SCHIP1: variants seen among roughly 807,000 people sequenced by gnomAD.
The protein encoded by SCHIP1 is schwannomin interacting protein 1, also known as schwannomin-interacting protein 1.
Under a neutral mutation model 29.7 loss-of-function variants are expected in SCHIP1, and 8 were observed. That is an observed-to-expected ratio of 0.27 (90% CI 0.16 to 0.49). The LOEUF (loss-of-function observed/expected upper bound fraction) is 0.49, where lower values mean the gene tolerates loss of function less well. Among genes scored for constraint, SCHIP1 ranks in the 20% least tolerant of loss-of-function variants. The pLI is 0.99. For synonymous variants in SCHIP1, 76 were observed against 94.9 expected (o/e 0.80, Z 1.16); for missense variants, 193 against 294.6 (o/e 0.66, Z 2.52).
At chr3:159,535,526 T>C in the SCHIP1 span, among the ~76,000 whole-genome samples, 2 of 152,170 alleles carry the variant, frequency 1.3e-5, no homozygotes, top group Non-Finnish European at 1.5e-5. Context: ...TTACCTTCTG[T>C]CTTGTACCTT....
intron 1 of SCHIP1, among the ~76,000 whole-genome samples, chr3:159,865,566 A>G (rs1714533498): frequency 2.0e-5 from 3 of 152,206 alleles, no homozygotes; most frequent in African/African-American, 7.2e-5. Flanking sequence ...ACCTGGTGAG[A>G]TGAGGCTAGC....
the SCHIP1 span, among the ~76,000 whole-genome samples, chr3:159,343,701 G>A: frequency 0.018 from 2,691 of 152,276 alleles, 84 homozygotes; most frequent in African/African-American, 0.062. Context: ...AGAGAAAGAA[G>A]GGAGAATGAA....
At chr3:159,589,994 A>G in the SCHIP1 span, among the ~76,000 whole-genome samples, 32 of 152,192 alleles carry the variant, frequency 2.1e-4, no homozygotes, top group Non-Finnish European at 3.8e-4. Context: ...TTTCACATAA[A>G]TAATTTTTTA....
intron 1 of SCHIP1, among the ~76,000 whole-genome samples, chr3:159,841,217 AGACTCAAG>A (rs750965850): frequency 2.2e-4 from 34 of 152,238 alleles, no homozygotes; most frequent in Non-Finnish European, 4.6e-4. Context: ...ACATTTCACA[AGACTCAAG>A]GCAGTGGTTT....
the SCHIP1 span, among the ~76,000 whole-genome samples, chr3:159,375,973 T>A: frequency 6.6e-6 from 1 of 152,166 alleles, no homozygotes; most frequent in Non-Finnish European, 1.5e-5. Context: ...CAAAACAGCC[T>A]AATGTGAATT....
At chr3:159,543,882 G>T in the SCHIP1 span, among the ~76,000 whole-genome samples, 4 of 152,088 alleles carry the variant, frequency 2.6e-5, no homozygotes. Context: ...AGCACCTGTT[G>T]TTTCCTGACT....
chr3:159,660,074 T>C, the SCHIP1 span, among the ~76,000 whole-genome samples: 3 of 152,304 alleles, frequency 2.0e-5, no homozygotes, highest in Admixed American at 1.3e-4. Flanking sequence ...GAGTTAAGAC[T>C]GAATGTTTGA....
the SCHIP1 span, among the ~76,000 whole-genome samples, chr3:159,580,263 C>CA: frequency 6.6e-6 from 1 of 152,164 alleles, no homozygotes; most frequent in South Asian, 2.1e-4. Flanking sequence ...GAGGAATCTG[C>CA]AGGGAGCAGC....
At chr3:159,472,836 C>T in the SCHIP1 span, among the ~76,000 whole-genome samples, 19 of 152,062 alleles carry the variant, frequency 1.2e-4, no homozygotes, top group African/African-American at 3.9e-4. Flanking sequence ...GTGAGGGAAC[C>T]GGAAGGGCTT....
At chr3:159,541,441 TTTC>T in the SCHIP1 span, among the ~76,000 whole-genome samples, 1 of 152,084 alleles carries the variant, frequency 6.6e-6, no homozygotes, top group East Asian at 1.9e-4. Flanking sequence ...CTCTTCCTTT[TTTC>T]TTCTGATTAA....
the SCHIP1 span, chr3:159,398,779 A>C: frequency 6.5e-6 from 1 of 154,764 alleles, no homozygotes; most frequent in African/African-American, 2.4e-5. Flanking sequence ...TTGGGTGGGT[A>C]GATGTCCCAT....
chr3:159,645,525 G>T, the SCHIP1 span, among the ~76,000 whole-genome samples: 3 of 152,120 alleles, frequency 2.0e-5, no homozygotes, highest in Admixed American at 6.6e-5. Context: ...CCTTCAGAAT[G>T]ACCATTGTAG....
chr3:159,864,680 G>GAACTAGTTCTCAAACCTGTTGA lies in SCHIP1; in HGVS notation c.31-1480_31-1459dup, dbSNP rs1351044487. 2.6e-5 allele frequency among the ~76,000 whole-genome samples: 4 copies of GAACTAGTTCTCAAACCTGTTGA among 152,232 alleles called. No homozygotes were observed. In the East Asian group the frequency reaches 7.7e-4, roughly 29 times the overall value. ...AGGAGAGTAGAGATGAGGTTTCTTT[G>GAACTAGTTCTCAAACCTGTTGA]AACTAGTTCTCAAACCTGTTGAAAT... On this transcript the variant is annotated intron_variant, in intron 1 of 6. Coordinates refer to ENST00000445224, the Ensembl canonical transcript of SCHIP1.
At chr3:159,795,709 A>T in the SCHIP1 span, among the ~76,000 whole-genome samples, 526 of 152,306 alleles carry the variant, frequency 3.5e-3, 2 homozygotes, top group African/African-American at 0.012. Context: ...TGGGTCCTGA[A>T]AAATAATTAG....
chr3:159,348,417 T>C, the SCHIP1 span, among the ~76,000 whole-genome samples: 1 of 152,066 alleles, frequency 6.6e-6, no homozygotes, highest in Non-Finnish European at 1.5e-5. Context: ...ACACAAAGAG[T>C]ATAAAGACAT....
chr3:159,335,347 CT>C, the SCHIP1 span, among the ~76,000 whole-genome samples: 337 of 151,976 alleles, frequency 2.2e-3, 2 homozygotes, highest in African/African-American at 7.7e-3. Flanking sequence ...GATGCCCTGT[CT>C]TTTTTTTATA....
At chr3:159,765,415 G>A in the SCHIP1 span, 1 of 412,814 alleles carries the variant, frequency 2.4e-6, no homozygotes. Context: ...CATTTTAATG[G>A]AATTACTTAT....
chr3:159,625,703 A>G, the SCHIP1 span, among the ~76,000 whole-genome samples: 2 of 152,080 alleles, frequency 1.3e-5, no homozygotes, highest in South Asian at 4.2e-4. Context: ...TCTGCACACC[A>G]CTGTTCCAAC....
chr3:159,399,344 G>A, the SCHIP1 span, among the ~76,000 whole-genome samples: 1 of 152,024 alleles, frequency 6.6e-6, no homozygotes, highest in East Asian at 1.9e-4. Flanking sequence ...ATTAGATCAT[G>A]TGTTTATTCA....
Sources: allele counts gnomAD v4.1 joint callset (sites outside exome capture counted in the v4.1 genomes callset), GRCh38; gene constraint gnomAD v4.1.1; transcripts MANE v1.5; gene names NCBI Gene and HGNC (gene_info 2026-07-23, HGNC 2026-07-21).